Variants in CDH13 observed in about 807,000 individuals in gnomAD.
CDH13 encodes the protein cadherin-13.
In CDH13, 24 loss-of-function variants were observed where a neutral mutation model predicts 63.8. The ratio of observed to expected loss-of-function variants is 0.38; its 90% CI spans 0.27 to 0.53. The LOEUF (loss-of-function observed/expected upper bound fraction) is 0.53. Ranked by LOEUF, CDH13 falls within the 20% of genes least tolerant of loss-of-function variation. The pLI, the probability that CDH13 is intolerant of heterozygous loss-of-function variation, is 0.85. For synonymous variants in CDH13, 503 were observed against 355.3 expected, an observed-to-expected ratio of 1.42 and a Z score of -4.67; for missense variants, 1,049 against 903.1, an observed-to-expected ratio of 1.16 and a Z score of -2.07.
intron 10 of CDH13, among the ~76,000 whole-genome samples, chr16:83,689,749 G>A (rs1378309788): frequency 6.6e-6 from 1 of 152,118 alleles, no homozygotes; most frequent in Non-Finnish European, 1.5e-5. Flanking sequence ...CTGAGTGTAG[G>A]CTGCACATGT....
At chr16:83,681,106 C>T (rs1915367634) in intron 10 of CDH13, among the ~76,000 whole-genome samples, 1 of 151,920 alleles carries the variant, frequency 6.6e-6, no homozygotes, top group Non-Finnish European at 1.5e-5. Flanking sequence ...ATGAGCAGGA[C>T]AGATTGTGCC....
intron 10 of CDH13, among the ~76,000 whole-genome samples, chr16:83,684,026 C>T (rs1380516559): frequency 2.0e-5 from 3 of 152,120 alleles, no homozygotes; most frequent in Non-Finnish European, 4.4e-5. Flanking sequence ...TGATGATATT[C>T]GAGTATCTCT....
intron 2 of CDH13, among the ~76,000 whole-genome samples, chr16:83,020,886 C>A (rs1915283221): frequency 6.6e-6 from 1 of 152,210 alleles, no homozygotes; most frequent in African/African-American, 2.4e-5. Flanking sequence ...GACACTTTGT[C>A]ACATGTCCCT....
intron 1 of CDH13, among the ~76,000 whole-genome samples, chr16:82,713,723 C>T (rs563925091): frequency 2.1e-4 from 31 of 148,794 alleles, no homozygotes; most frequent in Non-Finnish European, 1.0e-4. Flanking sequence ...ATTAGGTGGC[C>T]TAGTGCATGT....
intron 1 of CDH13, among the ~76,000 whole-genome samples, chr16:82,762,416 C>G (rs1003379424): frequency 2.0e-5 from 3 of 152,188 alleles, no homozygotes; most frequent in Non-Finnish European, 2.9e-5. Context: ...ACAAAGTTCT[C>G]AAGTGCTGTA....
intron 1 of CDH13, among the ~76,000 whole-genome samples, chr16:82,637,237 T>C (rs976283335): frequency 8.5e-5 from 13 of 152,170 alleles, no homozygotes; most frequent in Admixed American, 6.5e-5. Flanking sequence ...TTCCTGCAGT[T>C]CTGCATGTTT....
chr16:83,739,568 C>A (rs1911866920), intron 10 of CDH13, among the ~76,000 whole-genome samples: 1 of 152,162 alleles, frequency 6.6e-6, no homozygotes, highest in South Asian at 2.1e-4. Flanking sequence ...CACACAAACC[C>A]ACCTAACTAA....
chr16:82,680,924 C>T (rs572203533), intron 1 of CDH13, among the ~76,000 whole-genome samples: 25 of 152,146 alleles, frequency 1.6e-4, no homozygotes, highest in African/African-American at 5.8e-4. Context: ...CTCAGTAGCT[C>T]CCATGAGCCA....
At chr16:83,587,582 G>A (rs1342225946) in intron 7 of CDH13, among the ~76,000 whole-genome samples, 3 of 152,062 alleles carry the variant, frequency 2.0e-5, no homozygotes, top group Non-Finnish European at 4.4e-5. Flanking sequence ...AGAGAGTGCC[G>A]CCCTTCTAAC....
intron 2 of CDH13, among the ~76,000 whole-genome samples, chr16:82,893,229 A>T (rs1283446422): frequency 3.3e-5 from 5 of 152,264 alleles, no homozygotes; most frequent in African/African-American, 1.2e-4. Context: ...TTAATACCTT[A>T]TAAAATCACA....
chr16:82,669,171 C>T (rs900612656), intron 1 of CDH13, among the ~76,000 whole-genome samples: 7 of 152,168 alleles, frequency 4.6e-5, no homozygotes, highest in African/African-American at 1.4e-4. Context: ...CACTACAGAC[C>T]ATCGGAAACC....
chr16:82,897,985 C>T (rs532412436), intron 2 of CDH13, among the ~76,000 whole-genome samples: 12 of 152,166 alleles, frequency 7.9e-5, no homozygotes, highest in Non-Finnish European at 1.5e-4. Context: ...ATACAGTAAG[C>T]CACGTGGAGC....
chr16:82,910,222 A>C (rs1366519798), intron 2 of CDH13, among the ~76,000 whole-genome samples: 8 of 152,180 alleles, frequency 5.3e-5, no homozygotes. Context: ...TTGTTGTTTG[A>C]CATCATGCAG....
At chr16:83,172,953 C>T (rs77943393) in intron 4 of CDH13, among the ~76,000 whole-genome samples, 9,490 of 152,130 alleles carry the variant, frequency 0.062, 527 homozygotes, top group African/African-American at 0.14. Flanking sequence ...CAAGCCAACA[C>T]TCTCCCCACC....
At chr16:83,559,132 G>T (rs1281950240) in intron 7 of CDH13, among the ~76,000 whole-genome samples, 2 of 152,234 alleles carry the variant, frequency 1.3e-5, no homozygotes, top group African/African-American at 2.4e-5. Context: ...GCAGAGTGAA[G>T]ACAGAGAAAT....
chr16:82,791,928 G>T (rs916818889), intron 1 of CDH13, among the ~76,000 whole-genome samples: 9 of 152,128 alleles, frequency 5.9e-5, no homozygotes, highest in African/African-American at 2.2e-4. Flanking sequence ...GCCATCTTGG[G>T]AGCGGCCCGC....
At chr16:82,942,901 T>A (rs889449082) in intron 2 of CDH13, among the ~76,000 whole-genome samples, 19 of 152,198 alleles carry the variant, frequency 1.2e-4, no homozygotes, top group African/African-American at 4.6e-4. Context: ...TGGTGATGCT[T>A]GGACTCGTAC....
chr16:83,492,695 C>T lies in CDH13; in HGVS notation c.960+6040C>T, dbSNP rs566682339. ...AAGGCAGAATGCTAAGTCCTGGGGT[C>T]TGAAATTTAGTTCCATGAGTGCAGG... On this transcript the variant is annotated intron_variant, in intron 7 of 13. Coordinates refer to ENST00000567109, the MANE Select transcript of CDH13 (RefSeq NM_001257.5). Among the ~76,000 whole-genome samples, 36 of 152,288 alleles carry T rather than the reference C, an allele frequency of 2.4e-4. 2 individuals carry two copies. In the South Asian group the frequency reaches 7.3e-3, roughly 31 times the overall value.
chr16:83,746,545 G>A (rs1912602029), intron 10 of CDH13, among the ~76,000 whole-genome samples: 1 of 152,128 alleles, frequency 6.6e-6, no homozygotes, highest in African/African-American at 2.4e-5. Flanking sequence ...GAAGACTCGG[G>A]GTTAACTTGC....
Sources: allele counts gnomAD v4.1 joint callset (sites outside exome capture counted in the v4.1 genomes callset), GRCh38; gene constraint gnomAD v4.1.1; transcripts MANE v1.5; gene names NCBI Gene and HGNC (gene_info 2026-07-23, HGNC 2026-07-21).